The following TRAPPC9 variants were observed in gnomAD, a reference collection of about 807,000 sequenced individuals.
The protein encoded by TRAPPC9 is trafficking protein particle complex subunit 9, also known as IKK2 binding protein.
In TRAPPC9, 83 loss-of-function variants were observed where a neutral mutation model predicts 124.0. The ratio of observed to expected loss-of-function variants is 0.67; its 90% CI spans 0.56 to 0.80. TRAPPC9 has a LOEUF of 0.80. Among genes scored for constraint, TRAPPC9 ranks in the 30% least tolerant of loss-of-function variants. The pLI, the probability that TRAPPC9 is intolerant of heterozygous loss-of-function variation, is 0.00. For synonymous variants in TRAPPC9, 638 were observed against 617.5 expected, an observed-to-expected ratio of 1.03 and a Z score of -0.49; for missense variants, 1,302 against 1,508.3, an observed-to-expected ratio of 0.86 and a Z score of 2.27.
At chr8:140,010,852 A>C (rs149350996) in intron 18 of TRAPPC9, among the ~76,000 whole-genome samples, 2 of 152,344 alleles carry the variant, frequency 1.3e-5, no homozygotes, top group African/African-American at 4.8e-5. Context: ...AAACTGCTTG[A>C]AACAGTAGAA....
chr8:140,195,447 C>T (rs1234076402), intron 17 of TRAPPC9, among the ~76,000 whole-genome samples: 37 of 151,172 alleles, frequency 2.4e-4, no homozygotes, highest in Non-Finnish European at 3.5e-4. Flanking sequence ...GACAATCCAC[C>T]GTACAGCTCG....
chr8:140,016,962 GT>G (rs762550169), intron 18 of TRAPPC9, among the ~76,000 whole-genome samples: 2 of 152,174 alleles, frequency 1.3e-5, no homozygotes, highest in South Asian at 2.1e-4. Flanking sequence ...TTGGTGTTCT[GT>G]TTTTTAATTT....
At chr8:140,248,162 C>A (rs1186923691) in intron 16 of TRAPPC9, among the ~76,000 whole-genome samples, 2 of 152,200 alleles carry the variant, frequency 1.3e-5, no homozygotes, top group Non-Finnish European at 2.9e-5. Flanking sequence ...AATCTACACA[C>A]TGTATTCTGT....
At chr8:139,813,874 C>T (rs1455934292) in intron 21 of TRAPPC9, among the ~76,000 whole-genome samples, 2 of 151,428 alleles carry the variant, frequency 1.3e-5, no homozygotes, top group African/African-American at 4.9e-5. Flanking sequence ...GGTGAGGTGA[C>T]GGTGCCGGGG....
intron 21 of TRAPPC9, among the ~76,000 whole-genome samples, chr8:139,809,333 C>CATCCTCTTCTA (rs1306994605): frequency 1.1e-3 from 162 of 152,210 alleles, no homozygotes; most frequent in Non-Finnish European, 1.6e-3. Context: ...GGGAGTGAAG[C>CATCCTCTTCTA]GTCCTCTTCT....
intron 17 of TRAPPC9, among the ~76,000 whole-genome samples, chr8:140,088,436 C>G (rs1844342983): frequency 6.6e-6 from 1 of 152,196 alleles, no homozygotes; most frequent in African/African-American, 2.4e-5. Flanking sequence ...AGTTGTAGCA[C>G]AGAAGTGGCA....
chr8:140,283,626 A>T (rs2065395406), intron 14 of TRAPPC9, among the ~76,000 whole-genome samples: 1 of 152,018 alleles, frequency 6.6e-6, no homozygotes, highest in Admixed American at 6.6e-5. Context: ...GGGAATTCCT[A>T]AATTCCCTAA....
At chr8:140,166,585 T>A (rs905575099) in intron 17 of TRAPPC9, among the ~76,000 whole-genome samples, 3 of 152,186 alleles carry the variant, frequency 2.0e-5, no homozygotes, top group African/African-American at 7.2e-5. Context: ...AGGGAAATAT[T>A]TTCCCCAGAC....
intron 16 of TRAPPC9, among the ~76,000 whole-genome samples, chr8:140,231,114 A>G (rs1447493851): frequency 6.6e-6 from 1 of 152,218 alleles, no homozygotes; most frequent in Non-Finnish European, 1.5e-5. Context: ...AGCTATGGAG[A>G]AAGATATTTG....
At chr8:140,236,079 CT>C (rs765201850) in intron 16 of TRAPPC9, among the ~76,000 whole-genome samples, 3,769 of 111,704 alleles carry the variant, frequency 0.034, 56 homozygotes, top group African/African-American at 0.088. Context: ...ACTGTATTTC[CT>C]TTTTTTTTTT....
chr8:140,153,094 C>T (rs533673302), intron 17 of TRAPPC9, among the ~76,000 whole-genome samples: 1 of 152,282 alleles, frequency 6.6e-6, no homozygotes, highest in East Asian at 1.9e-4. Flanking sequence ...TGATTTGTAT[C>T]ATGAAAGGAT....
At chr8:139,918,542 G>A (rs1356843223) in intron 19 of TRAPPC9, among the ~76,000 whole-genome samples, 5 of 152,144 alleles carry the variant, frequency 3.3e-5, no homozygotes, top group African/African-American at 7.2e-5. Context: ...GGCCCTCCCC[G>A]GCCCTCCCAC....
At chr8:140,240,443 C>T (rs62527485) in intron 16 of TRAPPC9, among the ~76,000 whole-genome samples, 4,223 of 152,314 alleles carry the variant, frequency 0.028, 90 homozygotes, top group African/African-American at 0.056. Flanking sequence ...TCCACATCGC[C>T]TCTTGCTCTC....
At chr8:140,287,450 G>A (rs1170790145) in intron 13 of TRAPPC9, among the ~76,000 whole-genome samples, 158 bp downstream of exon 13, 2 of 152,066 alleles carry the variant, frequency 1.3e-5, no homozygotes, top group East Asian at 3.9e-4. Flanking sequence ...CGCACCCCAC[G>A]AACAGGTTTT....
intron 17 of TRAPPC9, among the ~76,000 whole-genome samples, chr8:140,114,332 G>GAAAAAAAA (rs59499088): frequency 8.5e-6 from 1 of 117,036 alleles, no homozygotes; most frequent in African/African-American, 3.2e-5. Context: ...AAGGACTGAA[G>GAAAAAAAA]AAAAAAAAAA....
chr8:140,458,003 GGGA>G (rs1344919468), upstream of TRAPPC9, among the ~76,000 whole-genome samples: 76 of 137,804 alleles, frequency 5.5e-4, no homozygotes, highest in Non-Finnish European at 1.1e-3. Context: ...GGGACGGGGA[GGGA>G]GGAGGAGGAG....
intron 17 of TRAPPC9, among the ~76,000 whole-genome samples, chr8:140,181,459 T>A (rs1021354081): frequency 2.6e-5 from 4 of 152,140 alleles, no homozygotes; most frequent in Admixed American, 1.3e-4. Flanking sequence ...TTGTTTTGTT[T>A]TTTGTATTTT....
At chr8:139,862,785 C>T (rs2130988958) in intron 21 of TRAPPC9, among the ~76,000 whole-genome samples, 1 of 152,364 alleles carries the variant, frequency 6.6e-6, no homozygotes, top group East Asian at 1.9e-4. Flanking sequence ...CCAGGGGCTC[C>T]CCAGGGTCAC....
intron 21 of TRAPPC9, among the ~76,000 whole-genome samples, chr8:139,754,100 G>A (rs1819539047): frequency 1.3e-5 from 2 of 152,184 alleles, no homozygotes; most frequent in Non-Finnish European, 2.9e-5. Flanking sequence ...GCAGGGAAAG[G>A]TGAAGCCATG....
Sources: allele counts gnomAD v4.1 joint callset (sites outside exome capture counted in the v4.1 genomes callset), GRCh38; gene constraint gnomAD v4.1.1; transcripts MANE v1.5; gene names NCBI Gene and HGNC (gene_info 2026-07-23, HGNC 2026-07-21).